Variants in GALNT17 observed in about 807,000 individuals in gnomAD.
The protein encoded by GALNT17 is polypeptide N-acetylgalactosaminyltransferase 17, also known as UDP-GalNAc:polypeptide N-acetylgalactosaminyltransferase-like 3.
GALNT17 carries 29 observed loss-of-function variants against 63.7 expected under a neutral mutation model. That is an observed-to-expected ratio of 0.46 (90% CI 0.34 to 0.62). The LOEUF is 0.62. GALNT17 is among the 20% of genes least tolerant of loss of function. The probability of loss-of-function intolerance (pLI) is 0.01; values close to 1 mark genes in which losing one functional copy is unlikely to be tolerated. For synonymous variants in GALNT17, 305 were observed against 318.3 expected, an observed-to-expected ratio of 0.96 and a Z score of 0.45; for missense variants, 603 against 799.6, an observed-to-expected ratio of 0.75 and a Z score of 2.97.
intron 1 of GALNT17, among the ~76,000 whole-genome samples, chr7:71,277,174 C>T (rs921647996): frequency 3.3e-5 from 5 of 152,104 alleles, no homozygotes; most frequent in Non-Finnish European, 5.9e-5. Context: ...GGAATGAAAT[C>T]GTGTCCTTTG....
At chr7:71,486,933 C>T (rs1030067433) in intron 5 of GALNT17, among the ~76,000 whole-genome samples, 3 of 152,036 alleles carry the variant, frequency 2.0e-5, no homozygotes, top group Admixed American at 2.0e-4. Context: ...CAGCTCACAG[C>T]CAAGTTCCTC....
intron 5 of GALNT17, among the ~76,000 whole-genome samples, chr7:71,506,788 C>T (rs1563143083): frequency 6.6e-6 from 1 of 152,116 alleles, no homozygotes; most frequent in Non-Finnish European, 1.5e-5. Context: ...TATTATTGTT[C>T]CCTGTAGTCA....
At chr7:71,668,603 T>C (rs1422796972) in intron 7 of GALNT17, among the ~76,000 whole-genome samples, 2 of 150,404 alleles carry the variant, frequency 1.3e-5, no homozygotes, top group Non-Finnish European at 3.0e-5. Context: ...AGGGTTGTCT[T>C]TGAGGTTGAA....
intron 6 of GALNT17, among the ~76,000 whole-genome samples, chr7:71,630,733 T>C (rs1790443016): frequency 6.6e-6 from 1 of 152,240 alleles, no homozygotes; most frequent in African/African-American, 2.4e-5. Context: ...GGCCAGAGAC[T>C]GAATTCAGCA....
chr7:71,648,986 G>A (rs185110037), intron 6 of GALNT17, among the ~76,000 whole-genome samples: 1 of 152,318 alleles, frequency 6.6e-6, no homozygotes, highest in Admixed American at 6.5e-5. Flanking sequence ...CCACATTGGT[G>A]CCCAGTTCTA....
intron 1 of GALNT17, among the ~76,000 whole-genome samples, chr7:71,321,944 C>T (rs1238191910): frequency 4.4e-4 from 15 of 34,090 alleles, no homozygotes; most frequent in East Asian, 1.7e-3. Context: ...TCCCTCCCTC[C>T]CTTCCTTCCT....
chr7:71,580,418 TAG>T (rs1562699148), intron 6 of GALNT17, among the ~76,000 whole-genome samples: 1 of 151,770 alleles, frequency 6.6e-6, no homozygotes, highest in Non-Finnish European at 1.5e-5. Context: ...GATAGATAGA[TAG>T]ATAGATAGAT....
At chr7:71,508,909 T>A (rs1409707293) in intron 5 of GALNT17, among the ~76,000 whole-genome samples, 1 of 152,134 alleles carries the variant, frequency 6.6e-6, no homozygotes, top group Non-Finnish European at 1.5e-5. Flanking sequence ...TTCTTGTGCG[T>A]GCGCTCGTGT....
chr7:71,527,153 CAATAA>C (rs1204618188), intron 5 of GALNT17, among the ~76,000 whole-genome samples: 1 of 151,896 alleles, frequency 6.6e-6, no homozygotes, highest in Non-Finnish European at 1.5e-5. Context: ...TGTAGCTATT[CAATAA>C]AATGAATGAA....
chr7:71,446,913 T>C (rs796488000), intron 5 of GALNT17, among the ~76,000 whole-genome samples: 15 of 152,328 alleles, frequency 9.8e-5, no homozygotes, highest in African/African-American at 3.4e-4. Flanking sequence ...TAGTCCTACA[T>C]CATGCATTTT....
chr7:71,227,762 AT>A (rs1789708463), intron 1 of GALNT17, among the ~76,000 whole-genome samples: 1 of 152,076 alleles, frequency 6.6e-6, no homozygotes, highest in Admixed American at 6.5e-5. Flanking sequence ...GCAGCCATGA[AT>A]TTTTTTATGA....
chr7:71,660,193 C>T (rs1038842561), intron 6 of GALNT17, among the ~76,000 whole-genome samples: 1 of 152,150 alleles, frequency 6.6e-6, no homozygotes, highest in African/African-American at 2.4e-5. Context: ...AGTCACCACA[C>T]CTCCTGGAGG....
At chr7:71,710,592 G>A (rs1471242131) in intron 9 of GALNT17, among the ~76,000 whole-genome samples, 169 bp from the exon 10 acceptor site, 1 of 151,940 alleles carries the variant, frequency 6.6e-6, no homozygotes, top group East Asian at 1.9e-4. Flanking sequence ...CTGGAACAGG[G>A]CTGTCCTGTG....
chr7:71,596,577 T>C (rs183550422), intron 6 of GALNT17, among the ~76,000 whole-genome samples: 2 of 152,004 alleles, frequency 1.3e-5, no homozygotes, highest in Admixed American at 6.6e-5. Context: ...GTTTCTTCAG[T>C]TTGAGTTTGC....
chr7:71,342,198 A>G (rs1178910431), intron 2 of GALNT17, among the ~76,000 whole-genome samples: 1 of 152,158 alleles, frequency 6.6e-6, no homozygotes, highest in African/African-American at 2.4e-5. Flanking sequence ...CTTGGCTTCT[A>G]CTTGGCTTCT....
chr7:71,574,501 T>G (rs928406595), intron 6 of GALNT17, among the ~76,000 whole-genome samples: 7 of 152,144 alleles, frequency 4.6e-5, no homozygotes, highest in Admixed American at 2.0e-4. Flanking sequence ...CTCTTAACTT[T>G]CCATAGACCA....
intron 1 of GALNT17, among the ~76,000 whole-genome samples, chr7:71,287,167 G>T (rs1790890309): frequency 6.6e-6 from 1 of 152,078 alleles, no homozygotes; most frequent in Admixed American, 6.5e-5. Context: ...AGGCTTCACT[G>T]CATCCTCGAC....
chr7:71,143,020 C>T (rs993685183), intron 1 of GALNT17, among the ~76,000 whole-genome samples: 40 of 151,552 alleles, frequency 2.6e-4, no homozygotes, highest in African/African-American at 5.8e-4. Context: ...GGTGCTTAGC[C>T]GGTGAGTGCT....
intron 5 of GALNT17, among the ~76,000 whole-genome samples, chr7:71,565,440 T>A (rs1789326795): frequency 6.6e-6 from 1 of 152,032 alleles, no homozygotes; most frequent in Non-Finnish European, 1.5e-5. Flanking sequence ...TCCCCTTCTC[T>A]ACTGTCCTCT....
Sources: allele counts gnomAD v4.1 joint callset (sites outside exome capture counted in the v4.1 genomes callset), GRCh38; gene constraint gnomAD v4.1.1; transcripts MANE v1.5; gene names NCBI Gene and HGNC (gene_info 2026-07-23, HGNC 2026-07-21).